The following SCAPER variants were observed in gnomAD, a reference collection of about 807,000 sequenced individuals.
SCAPER encodes the protein S phase cyclin A-associated protein in the endoplasmic reticulum.
A neutral mutation model predicts 182.2 loss-of-function variants in SCAPER; 98 were observed. The ratio of observed to expected loss-of-function variants is 0.54; its 90% CI spans 0.46 to 0.64. The LOEUF is 0.64. Among genes scored for constraint, SCAPER ranks in the 30% least tolerant of loss-of-function variants. The pLI, the probability that SCAPER is intolerant of heterozygous loss-of-function variation, is 0.00. For synonymous variants in SCAPER, 605 were observed against 564.6 expected (o/e 1.07, Z -1.01); for missense variants, 1,432 against 1,690.0 (o/e 0.85, Z 2.68).
rs1253724012 is a variant in SCAPER at position 76,765,605 on chromosome 15, C to G, written c.1453G>C (p.Gly485Arg). The change falls in exon 12 of 32, where the codon GGT becomes CGT. Residue 485 changes from glycine (G) to arginine (R), a missense_variant. This residue lies in a region of SCAPER where 128 missense variants were observed against 149.9 expected (regional missense o/e 0.85). Transcript: ENST00000563290. Reference protein sequence around the residue: ...SMGSGSVSFCGMSMDWNDVLA... With the variant: ...SMGSGSVSFCRMSMDWNDVLA... ...ACATCGTTCCAGTCCATGGACATAC[C>G]ACAGAAAGAAACACTCCCACTGCCC... 5 of 1,587,514 alleles carry G rather than the reference C, an allele frequency of 3.1e-6. No homozygotes were observed. Among genetic ancestry groups the G allele is most frequent in the Non-Finnish European group, 4.3e-6 (5 of 1,165,808 alleles).
chr15:76,693,326 T>C (rs899187792), intron 20 of SCAPER, among the ~76,000 whole-genome samples: 5 of 152,104 alleles, frequency 3.3e-5, no homozygotes, highest in Admixed American at 2.6e-4. Context: ...TATTAAAAAA[T>C]TGAAAATAAC....
chr15:76,786,504 G>A (rs1472189261), intron 8 of SCAPER, among the ~76,000 whole-genome samples: 1 of 152,022 alleles, frequency 6.6e-6, no homozygotes, highest in African/African-American at 2.4e-5. Flanking sequence ...ACTTGATAAA[G>A]AACATCCATA....
chr15:76,652,273 A>AAAATAT (rs1207156993), intron 21 of SCAPER, among the ~76,000 whole-genome samples: 21 of 12,852 alleles, frequency 1.6e-3, no homozygotes, highest in East Asian at 7.1e-3. Context: ...AAAAAAAAAA[A>AAAATAT]ATATATATAT....
Position 76,857,895 on chromosome 15 carries a change from A to C in SCAPER, c.125-16T>G, listed in dbSNP as rs768383795. The C allele has an allele frequency of 4.0e-6, 6 of 1,511,548 alleles. No individual in the cohort carries two copies. Among genetic ancestry groups the C allele is most frequent in the Non-Finnish European group, 5.4e-6 (6 of 1,113,510 alleles). 93.6% of individuals were successfully genotyped at this position (1,511,548 alleles called of 1,614,324 possible). A position where few individuals can be genotyped will look rare whatever the true frequency, so the allele number is the denominator to read the frequency against. On this transcript the variant is annotated splice_polypyrimidine_tract_variant and intron_variant, in intron 3 of 31. Transcript: ENST00000563290. ...TTAGGTTTTCCTTCAAGGCAAGAAAAAAATAAATATGTAGATATACAGAAT... is the reference window on the plus strand; with the variant it reads ...TTAGGTTTTCCTTCAAGGCAAGAAACAAATAAATATGTAGATATACAGAAT...
intron 24 of SCAPER, among the ~76,000 whole-genome samples, chr15:76,494,916 C>A (rs547496839): frequency 6.6e-6 from 1 of 152,122 alleles, no homozygotes; most frequent in East Asian, 1.9e-4. Flanking sequence ...AGAAGGAAGA[C>A]CAGAATAGGA....
At chr15:76,395,945 C>T (rs1374570513) in intron 27 of SCAPER, among the ~76,000 whole-genome samples, 2 of 152,100 alleles carry the variant, frequency 1.3e-5, no homozygotes, top group African/African-American at 2.4e-5. Flanking sequence ...AGAGTTTCCC[C>T]AATGTTTTCT....
intron 22 of SCAPER, among the ~76,000 whole-genome samples, chr15:76,589,058 G>T (rs2048908005): frequency 6.6e-6 from 1 of 152,050 alleles, no homozygotes; most frequent in Non-Finnish European, 1.5e-5. Flanking sequence ...GCTGGTACTG[G>T]GGGGTATCTG....
intron 20 of SCAPER, among the ~76,000 whole-genome samples, chr15:76,694,959 A>C (rs2058574931): frequency 6.6e-6 from 1 of 152,162 alleles, no homozygotes; most frequent in African/African-American, 2.4e-5. Context: ...CATAAGATGG[A>C]GAAAAAGTTC....
At chr15:76,369,159 T>A (rs1448053182) in intron 29 of SCAPER, among the ~76,000 whole-genome samples, 1 of 152,174 alleles carries the variant, frequency 6.6e-6, no homozygotes, top group African/African-American at 2.4e-5. Context: ...AAATAAAAAG[T>A]GCCAATCCTT....
intron 29 of SCAPER, among the ~76,000 whole-genome samples, chr15:76,362,748 T>A (rs956918091): frequency 1.3e-5 from 2 of 152,166 alleles, no homozygotes; most frequent in African/African-American, 4.8e-5. Context: ...ATAATCTACA[T>A]ACATAATAGA....
At chr15:76,751,709 C>A (rs2062093710) in intron 15 of SCAPER, among the ~76,000 whole-genome samples, 1 of 151,604 alleles carries the variant, frequency 6.6e-6, no homozygotes, top group Admixed American at 6.6e-5. Flanking sequence ...TTACCTAACA[C>A]CACATACTGA....
intron 8 of SCAPER, among the ~76,000 whole-genome samples, chr15:76,785,511 G>A (rs2064517090): frequency 6.6e-6 from 1 of 152,182 alleles, no homozygotes; most frequent in South Asian, 2.1e-4. Flanking sequence ...CACTTGCCCA[G>A]CAATCCCATT....
intron 1 of SCAPER, among the ~76,000 whole-genome samples, chr15:76,887,977 T>C (rs1395885902): frequency 2.0e-5 from 3 of 152,194 alleles, no homozygotes; most frequent in Non-Finnish European, 4.4e-5. Context: ...GGCAGCAATA[T>C]TTGCTGTTCT....
chr15:76,739,826 C>T (rs1389819999), intron 15 of SCAPER, among the ~76,000 whole-genome samples: 1 of 152,146 alleles, frequency 6.6e-6, no homozygotes, highest in Non-Finnish European at 1.5e-5. Context: ...CACAGAATTA[C>T]TTAAATTAGA....
At chr15:76,846,369 A>C (rs1568322174) in intron 4 of SCAPER, among the ~76,000 whole-genome samples, 1 of 152,010 alleles carries the variant, frequency 6.6e-6, no homozygotes, top group African/African-American at 2.4e-5. Context: ...TAAAAAAAAA[A>C]ACTTCTGCAC....
intron 20 of SCAPER, among the ~76,000 whole-genome samples, chr15:76,675,114 T>C (rs1598086319): frequency 6.6e-6 from 1 of 152,332 alleles, no homozygotes; most frequent in East Asian, 1.9e-4. Context: ...GATGAGTAAG[T>C]GGAGGTTCAT....
intron 20 of SCAPER, among the ~76,000 whole-genome samples, chr15:76,677,136 T>G (rs944278653): frequency 6.6e-6 from 1 of 152,110 alleles, no homozygotes; most frequent in Non-Finnish European, 1.5e-5. Context: ...AAAATGTGAA[T>G]CACAATAAAA....
rs151113726 is a variant in SCAPER at position 76,601,378 on chromosome 15, A to G, written c.2711+20386T>C. On this transcript the variant is annotated intron_variant, in intron 22 of 31. Coordinates refer to ENST00000563290, the MANE Select transcript of SCAPER (RefSeq NM_020843.4). ...TATGACAGTGGTCCCAAAAGATTAT[A>G]ATACTGCATTTTTACTGTATCTTTC... Among the ~76,000 whole-genome samples, 242 of 122,352 alleles carry G rather than the reference A, an allele frequency of 2.0e-3. 32 individuals carry two copies. The highest frequency in any genetic ancestry group is 5.4e-3 in the African/African-American group (215 of 40,030). 80.3% of individuals were successfully genotyped at this position (122,352 alleles called of 152,430 possible).
chr15:76,562,228 T>C (rs1178681440), intron 23 of SCAPER, among the ~76,000 whole-genome samples: 1 of 151,230 alleles, frequency 6.6e-6, no homozygotes, highest in Admixed American at 6.6e-5. Flanking sequence ...GGAGAATATC[T>C]TCTTTACTTT....
Sources: allele counts gnomAD v4.1 joint callset (sites outside exome capture counted in the v4.1 genomes callset), GRCh38; gene constraint gnomAD v4.1.1; regional missense constraint gnomAD v4.1.1; transcripts MANE v1.5; gene names NCBI Gene and HGNC (gene_info 2026-07-23, HGNC 2026-07-21).